Variants in CDH18 observed in about 807,000 individuals in gnomAD.
CDH18 encodes cadherin 18, also known as cadherin-18.
CDH18 carries 31 observed loss-of-function variants against 67.9 expected under a neutral mutation model. The observed-to-expected ratio is 0.46, with a 90% CI of 0.34 to 0.62. CDH18 has a LOEUF of 0.62. Among genes scored for constraint, CDH18 ranks in the 20% least tolerant of loss-of-function variants. The pLI is 0.01. For synonymous variants in CDH18, 362 were observed against 347.2 expected (o/e 1.04, Z -0.48); for missense variants, 890 against 975.5 (o/e 0.91, Z 1.17).
At chr5:19,576,773 G>T (rs962191353) in intron 7 of CDH18, among the ~76,000 whole-genome samples, 3 of 152,090 alleles carry the variant, frequency 2.0e-5, no homozygotes, top group Admixed American at 2.0e-4. Flanking sequence ...GTATCCCAAA[G>T]ACATGGCTGC....
intron 2 of CDH18, among the ~76,000 whole-genome samples, chr5:20,071,030 GTA>G (rs2150525112): frequency 6.6e-6 from 1 of 152,204 alleles, no homozygotes; most frequent in Admixed American, 6.5e-5. Flanking sequence ...AGATAAATGT[GTA>G]ATAATTTCTT....
intron 10 of CDH18, among the ~76,000 whole-genome samples, chr5:19,514,369 G>A (rs1256439585): frequency 6.6e-6 from 1 of 152,196 alleles, no homozygotes; most frequent in Non-Finnish European, 1.5e-5. Context: ...CCAGTAATGG[G>A]ACCACTGGGT....
At chr5:19,572,282 A>G (rs1342036493) in intron 7 of CDH18, among the ~76,000 whole-genome samples, 16 of 152,174 alleles carry the variant, frequency 1.1e-4, no homozygotes, top group Non-Finnish European at 2.1e-4. Flanking sequence ...TGATTCGGAG[A>G]CCAGTCTTCC....
At chr5:20,168,971 A>G (rs1736496150) in intron 2 of CDH18, among the ~76,000 whole-genome samples, 1 of 152,176 alleles carries the variant, frequency 6.6e-6, no homozygotes, top group African/African-American at 2.4e-5. Context: ...TGGTTACCAG[A>G]GATTTGGAAA....
intron 9 of CDH18, among the ~76,000 whole-genome samples, chr5:19,541,033 A>C (rs2127059482): frequency 6.6e-6 from 1 of 152,102 alleles, no homozygotes; most frequent in East Asian, 1.9e-4. Flanking sequence ...CTTCCTCTTG[A>C]ACTCTTTGTC....
chr5:20,436,802 A>G (rs566162345), intron 1 of CDH18, among the ~76,000 whole-genome samples: 1 of 145,288 alleles, frequency 6.9e-6, no homozygotes, highest in Non-Finnish European at 1.5e-5. Flanking sequence ...ACAGATGCCA[A>G]AAACTAAAAA....
At chr5:19,991,381 A>C (rs1799971433), upstream of CDH18, among the ~76,000 whole-genome samples, 1 of 152,308 alleles carries the variant, frequency 6.6e-6, no homozygotes, top group Non-Finnish European at 1.5e-5. Flanking sequence ...TGATATTTTG[A>C]TATGCATATA....
rs552041502 is a variant in CDH18 at position 19,542,719 on chromosome 5, G to A, written c.1390+1150C>T. Among the ~76,000 whole-genome samples the A allele has an allele frequency of 4.8e-4, 73 of 152,144 alleles. No individual in the cohort carries two copies. In the South Asian group the frequency reaches 0.015, roughly 31 times the overall value. ...CAAAGCAATAGCAGGCAAATTTATA[G>A]AGACAGAAAGTCAATTAATGGCTTC... On this transcript the variant is annotated intron_variant, in intron 9 of 12. Transcript: ENST00000382275.
chr5:19,799,890 T>G (rs1004971928), intron 3 of CDH18, among the ~76,000 whole-genome samples: 1 of 152,162 alleles, frequency 6.6e-6, no homozygotes, highest in African/African-American at 2.4e-5. Flanking sequence ...ACATTCATCT[T>G]TATGTGAGTT....
chr5:20,133,694 T>C (rs955863581), intron 2 of CDH18, among the ~76,000 whole-genome samples: 1 of 152,056 alleles, frequency 6.6e-6, no homozygotes, highest in Non-Finnish European at 1.5e-5. Context: ...TTTTTCTTTA[T>C]ATTATAATAT....
At chr5:19,759,537 C>A (rs1196130969) in intron 3 of CDH18, among the ~76,000 whole-genome samples, 2 of 152,100 alleles carry the variant, frequency 1.3e-5, no homozygotes, top group African/African-American at 4.8e-5. Context: ...GTCCAGGGAC[C>A]CACTGGGCCC....
chr5:19,484,511 G>A (rs1370347636), intron 11 of CDH18, among the ~76,000 whole-genome samples: 1 of 152,120 alleles, frequency 6.6e-6, no homozygotes, highest in Non-Finnish European at 1.5e-5. Flanking sequence ...AACCCACATG[G>A]TCCATACTTG....
chr5:19,955,392 A>G, intron 2 of CDH18, among the ~76,000 whole-genome samples: 1 of 152,286 alleles, frequency 6.6e-6, no homozygotes, highest in East Asian at 1.9e-4. Flanking sequence ...AAGCAAAAAA[A>G]GAACTAAATG....
intron 2 of CDH18, among the ~76,000 whole-genome samples, chr5:19,879,901 A>T (rs1430073464): frequency 2.0e-5 from 3 of 151,948 alleles, no homozygotes; most frequent in Non-Finnish European, 4.4e-5. Flanking sequence ...ACTTATTTAT[A>T]TCTTTTAAAG....
intron 2 of CDH18, among the ~76,000 whole-genome samples, chr5:20,230,367 T>A (rs542568796): frequency 7.9e-5 from 12 of 152,270 alleles, no homozygotes; most frequent in Non-Finnish European, 1.8e-4. Flanking sequence ...GTGCAATGTA[T>A]TCTCAAAATC....
At chr5:19,741,330 T>A (rs760282862) in intron 4 of CDH18, among the ~76,000 whole-genome samples, 476 of 145,722 alleles carry the variant, frequency 3.3e-3, no homozygotes, top group African/African-American at 7.2e-3. Context: ...TATACATGTC[T>A]CACACACACA....
chr5:19,522,306 T>C (rs756557373), intron 9 of CDH18, among the ~76,000 whole-genome samples: 1 of 152,022 alleles, frequency 6.6e-6, no homozygotes, highest in Admixed American at 6.6e-5. Context: ...TTCTTAATGG[T>C]GAAAAATCTA....
chr5:20,317,384 T>C (rs1322183207), intron 1 of CDH18, among the ~76,000 whole-genome samples: 1 of 152,276 alleles, frequency 6.6e-6, no homozygotes, highest in East Asian at 1.9e-4. Flanking sequence ...AGGATAAATC[T>C]TTATTTGTTG....
Position 20,315,680 on chromosome 5 carries a change from G to C in CDH18, c.-579-60175C>G, listed in dbSNP as rs528566727. On this transcript the variant is annotated intron_variant, in intron 1 of 14. Coordinates refer to the CDH18 transcript ENST00000507958. ...ATTGTGGATTTTGCACTTGCAATTA[G>C]TTCACTGTGCTTCTAACACTCATCC... 1.1e-4 allele frequency among the ~76,000 whole-genome samples: 16 copies of C among 152,216 alleles called. No homozygotes were observed. In the South Asian group the frequency reaches 1.2e-3, roughly 12 times the overall value.
Sources: gnomAD v4.1 joint callset for allele counts (sites outside exome capture counted in the v4.1 genomes callset) on GRCh38, gnomAD v4.1.1 for gene constraint, MANE v1.5 for transcripts, NCBI Gene and HGNC (gene_info 2026-07-23, HGNC 2026-07-21) for gene names.